TCF12: variants seen among roughly 807,000 people sequenced by gnomAD.
TCF12 encodes the protein transcription factor 12.
In TCF12, 45 loss-of-function variants were observed where a neutral mutation model predicts 86.0. The observed-to-expected ratio is 0.52, with a 90% confidence interval of 0.41 to 0.67. The LOEUF (loss-of-function observed/expected upper bound fraction) is 0.67. Ranked by LOEUF, TCF12 falls within the 30% of genes least tolerant of loss-of-function variation. The pLI, the probability that TCF12 is intolerant of heterozygous loss-of-function variation, is 0.00. For synonymous variants in TCF12, 330 were observed against 299.6 expected (o/e 1.10, Z -1.05); for missense variants, 881 against 859.9 (o/e 1.02, Z -0.31).
chr15:57,280,543 T>C (rs545067592), intron 19 of TCF12, among the ~76,000 whole-genome samples: 2 of 152,204 alleles, frequency 1.3e-5, no homozygotes, highest in Non-Finnish European at 2.9e-5. Flanking sequence ...TAAATGTGTA[T>C]TGAAATTTAT....
At chr15:57,279,842 T>C (rs1357283104) in intron 19 of TCF12, among the ~76,000 whole-genome samples, 1 of 151,486 alleles carries the variant, frequency 6.6e-6, no homozygotes, top group African/African-American at 2.4e-5. Context: ...ATCTTCTCAG[T>C]CTCTCGGGTC....
At chr15:57,183,639 T>G (rs1206964259) in intron 6 of TCF12, among the ~76,000 whole-genome samples, 1 of 150,698 alleles carries the variant, frequency 6.6e-6, no homozygotes, top group Non-Finnish European at 1.5e-5. Flanking sequence ...ATTCGTCTCA[T>G]TTATTTTGTA....
At chr15:57,048,582 G>A (rs570363382) in intron 3 of TCF12, among the ~76,000 whole-genome samples, 69 of 152,222 alleles carry the variant, frequency 4.5e-4, no homozygotes, top group Non-Finnish European at 8.7e-4. Flanking sequence ...AGTTTTAATT[G>A]TGGTGGAGGA....
chr15:57,127,919 G>A (rs2593230), intron 5 of TCF12, among the ~76,000 whole-genome samples: 141,842 of 152,240 alleles, frequency 0.93, 66,560 homozygotes, highest in Non-Finnish European at 0.99. Flanking sequence ...CCTGGACATC[G>A]GAATATCTAA....
intron 8 of TCF12, among the ~76,000 whole-genome samples, chr15:57,211,259 C>A (rs1384628800): frequency 3.3e-5 from 5 of 151,978 alleles, no homozygotes; most frequent in Non-Finnish European, 5.9e-5. Context: ...CTATTTTGTT[C>A]AAGATAAAGT....
At chr15:57,102,785 G>C in intron 5 of TCF12, among the ~76,000 whole-genome samples, 1 of 152,040 alleles carries the variant, frequency 6.6e-6, no homozygotes, top group East Asian at 1.9e-4. Flanking sequence ...TTGTTTTTCT[G>C]TTGTTTTGTT....
At chr15:57,189,752 T>C (rs2056882967) in intron 6 of TCF12, among the ~76,000 whole-genome samples, 1 of 152,080 alleles carries the variant, frequency 6.6e-6, no homozygotes, top group Non-Finnish European at 1.5e-5. Context: ...CCCAAAAGAA[T>C]TGAAAACAAT....
chr15:57,030,844 A>G (rs1391951692), intron 3 of TCF12, among the ~76,000 whole-genome samples: 1 of 152,262 alleles, frequency 6.6e-6, no homozygotes, highest in African/African-American at 2.4e-5. Context: ...TATAACCACA[A>G]TTCACATTTG....
At chr15:57,198,058 A>G (rs1242316219) in intron 8 of TCF12, among the ~76,000 whole-genome samples, 2 of 152,158 alleles carry the variant, frequency 1.3e-5, no homozygotes, top group African/African-American at 2.4e-5. Context: ...TGTCCCTGTC[A>G]TTTGAATTCC....
At chr15:56,958,759 C>T (rs2061611956) in intron 3 of TCF12, among the ~76,000 whole-genome samples, 1 of 151,476 alleles carries the variant, frequency 6.6e-6, no homozygotes, top group Non-Finnish European at 1.5e-5. Flanking sequence ...TGCCTGTAAT[C>T]CCACCACTTT....
chr15:56,931,819 T>G (rs2140271653), intron 3 of TCF12, among the ~76,000 whole-genome samples: 1 of 152,334 alleles, frequency 6.6e-6, no homozygotes, highest in South Asian at 2.1e-4. Context: ...TAGTTTGCTG[T>G]AGTCTGTTTT....
rs1567242375 is a variant in TCF12 at position 57,007,857 on chromosome 15, CCTTCCTTCCTTCCTT to C, written c.149-55891_149-55877del. Among the ~76,000 whole-genome samples, 51 of 7,954 alleles carry C rather than the reference CCTTCCTTCCTTCCTT, an allele frequency of 6.4e-3. 1 individual carries two copies. Among genetic ancestry groups the C allele is most frequent in the South Asian group, 0.045 (8 of 178 alleles). The allele number at this position is 7,954 out of a possible 152,430, so 5.2% of individuals were successfully genotyped here. ...CTTTCTTTCTCTCTTTCCCTCCCTT[CCTTCCTTCCTTCCTT>C]CCTTCCTTCCTTCCTTCCTTCCTTC... On this transcript the variant is annotated intron_variant, in intron 3 of 20. Transcript: ENST00000333725.
intron 5 of TCF12, among the ~76,000 whole-genome samples, chr15:57,147,174 A>C (rs1479714084): frequency 1.3e-5 from 2 of 152,216 alleles, no homozygotes; most frequent in African/African-American, 4.8e-5. Context: ...AGGAAGTAAA[A>C]GTGAAATAAA....
intron 8 of TCF12, chr15:57,219,553 G>T (rs1290357986): frequency 6.2e-7 from 1 of 1,613,368 alleles, no homozygotes; most frequent in Admixed American, 1.7e-5. Flanking sequence ...CCTGGAATGG[G>T]CAGCAATTCT....
chr15:57,246,755 A>G (rs1419480165), intron 13 of TCF12, among the ~76,000 whole-genome samples: 1 of 152,134 alleles, frequency 6.6e-6, no homozygotes, highest in Non-Finnish European at 1.5e-5. Flanking sequence ...ACTTTTTGCA[A>G]ACTGGCTCTG....
intron 4 of TCF12, among the ~76,000 whole-genome samples, chr15:57,085,897 C>T (rs1418120906): frequency 6.6e-6 from 1 of 151,990 alleles, no homozygotes; most frequent in Non-Finnish European, 1.5e-5. Flanking sequence ...AATCTTGTAG[C>T]TCTTTGAATA....
intron 6 of TCF12, among the ~76,000 whole-genome samples, chr15:57,182,687 A>T (rs1270655923): frequency 6.6e-6 from 1 of 152,172 alleles, no homozygotes; most frequent in Non-Finnish European, 1.5e-5. Flanking sequence ...AAGACAGGGC[A>T]TTTCCTAACC....
intron 4 of TCF12, among the ~76,000 whole-genome samples, chr15:57,076,952 A>T (rs1348882723): frequency 6.6e-6 from 1 of 151,988 alleles, no homozygotes; most frequent in Non-Finnish European, 1.5e-5. Context: ...CTCTGTTAAA[A>T]ATCTGTTGGC....
rs192368217 is a variant in TCF12 at position 57,195,285 on chromosome 15, T to C, written c.527-2488T>C. Among the ~76,000 whole-genome samples the C allele has an allele frequency of 3.1e-3, 473 of 152,328 alleles. 2 individuals carry two copies. Among genetic ancestry groups the C allele is most frequent in the African/African-American group, 0.011 (454 of 41,578 alleles). On this transcript the variant is annotated intron_variant, in intron 7 of 20. Transcript: ENST00000333725. Reference sequence around the variant, plus strand: ...TCATGATTTTAAATCAGACATTTTGTATTTGATTGTATAGTGGTGGGTAAC... The same window carrying C: ...TCATGATTTTAAATCAGACATTTTGCATTTGATTGTATAGTGGTGGGTAAC...
Sources: allele counts gnomAD v4.1 joint callset (sites outside exome capture counted in the v4.1 genomes callset), GRCh38; gene constraint gnomAD v4.1.1; transcripts MANE v1.5; gene names NCBI Gene and HGNC (gene_info 2026-07-23, HGNC 2026-07-21).